Variants in SMURF1 observed in about 807,000 individuals in gnomAD.
SMURF1 encodes the protein SMAD specific E3 ubiquitin protein ligase 1.
Under a neutral mutation model 98.0 loss-of-function variants are expected in SMURF1, and 44 were observed. That is an observed-to-expected ratio of 0.45 (90% confidence interval 0.35 to 0.58). The LOEUF is 0.58. Ranked by LOEUF, SMURF1 falls within the 20% of genes least tolerant of loss-of-function variation. The pLI is 0.00. For missense variants in SMURF1, 687 were observed against 938.4 expected (o/e 0.73, Z 3.50); for synonymous variants, 396 against 374.9 (o/e 1.06, Z -0.65).
At chr7:99,143,104 A>AC (rs1202510783) in intron 1 of SMURF1, among the ~76,000 whole-genome samples, 2 of 135,318 alleles carry the variant, frequency 1.5e-5, no homozygotes, top group East Asian at 5.0e-4. Context: ...AGGGAGCTGG[A>AC]CGCAGGGAGA....
intron 1 of SMURF1, among the ~76,000 whole-genome samples, chr7:99,115,845 C>T (rs1420623035): frequency 6.6e-6 from 1 of 152,070 alleles, no homozygotes; most frequent in Non-Finnish European, 1.5e-5. Context: ...GACCAGATGG[C>T]TTCACTGGTG....
intron 14 of SMURF1, 84 bp from the exon 15 acceptor site, chr7:99,037,271 T>C: frequency 1.1e-5 from 17 of 1,545,358 alleles, no homozygotes; most frequent in Non-Finnish European, 1.5e-5. Context: ...AGGGTCTCAC[T>C]CTGTCACCCA....
intron 13 of SMURF1, 83 bp downstream of exon 13, chr7:99,040,293 ACG>A (rs3033104): frequency 0.12 from 142,413 of 1,219,584 alleles, 18,448 homozygotes; most frequent in African/African-American, 0.65. Flanking sequence ...ATACACACAC[ACG>A]CGCGCGCGCG....
At chr7:99,086,143 C>G (rs1027934601) in intron 1 of SMURF1, among the ~76,000 whole-genome samples, 2 of 151,816 alleles carry the variant, frequency 1.3e-5, no homozygotes, top group African/African-American at 4.8e-5. Flanking sequence ...GTTAGCAGTT[C>G]GAGACCAGCC....
At chr7:99,143,692 G>A in intron 1 of SMURF1, 34 bp downstream of exon 1, 3 of 1,532,368 alleles carry the variant, frequency 2.0e-6, no homozygotes, top group Non-Finnish European at 1.8e-6. Context: ...GCGAGGGGGC[G>A]CCGGGGCGCG....
At chr7:99,061,895 T>C in intron 1 of SMURF1, 58 bp from the exon 2 acceptor site, 1 of 1,303,540 alleles carries the variant, frequency 7.7e-7, no homozygotes, top group South Asian at 1.4e-5. Context: ...CCATAATAGC[T>C]AATCTATATT....
intron 1 of SMURF1, among the ~76,000 whole-genome samples, chr7:99,066,784 G>GAAA (rs111395590): frequency 1.1e-5 from 1 of 92,568 alleles, no homozygotes; most frequent in Non-Finnish European, 2.3e-5. Context: ...GTCTCAAAAA[G>GAAA]AAAAAAAAAA....
At chr7:99,087,870 G>A (rs1458484329) in intron 1 of SMURF1, among the ~76,000 whole-genome samples, 2 of 151,748 alleles carry the variant, frequency 1.3e-5, no homozygotes, top group African/African-American at 4.8e-5. Flanking sequence ...ATTATTTGTT[G>A]GATAAATGAA....
chr7:99,127,766 A>C (rs1439602179), intron 1 of SMURF1, among the ~76,000 whole-genome samples: 1 of 152,204 alleles, frequency 6.6e-6, no homozygotes, highest in East Asian at 1.9e-4. Flanking sequence ...AGTATGAGAA[A>C]CACCAAATCC....
intron 8 of SMURF1, 111 bp from the exon 9 acceptor site, chr7:99,049,820 G>C (rs575206860): frequency 3.7e-6 from 4 of 1,074,784 alleles, no homozygotes; most frequent in African/African-American, 1.6e-5. Context: ...CTGTGTCCCA[G>C]CTCTGCTAAG....
At chr7:99,040,026 T>C (rs982269740) in intron 13 of SMURF1, among the ~76,000 whole-genome samples, 2 of 152,178 alleles carry the variant, frequency 1.3e-5, no homozygotes, top group African/African-American at 2.4e-5. Flanking sequence ...GATCGCGCCT[T>C]CTTCATTCAA....
intron 1 of SMURF1, among the ~76,000 whole-genome samples, chr7:99,082,291 A>G (rs1017107315): frequency 1.3e-5 from 2 of 152,208 alleles, no homozygotes; most frequent in Admixed American, 1.3e-4. Flanking sequence ...ATGAAATCCA[A>G]TTAATCTGTT....
intron 1 of SMURF1, among the ~76,000 whole-genome samples, chr7:99,097,651 A>G (rs1796985570): frequency 6.6e-6 from 1 of 152,210 alleles, no homozygotes; most frequent in Admixed American, 6.5e-5. Context: ...AACTTCTTTT[A>G]TTTATAAGTT....
At chr7:99,088,234 G>A (rs999628853) in intron 1 of SMURF1, among the ~76,000 whole-genome samples, 2 of 151,474 alleles carry the variant, frequency 1.3e-5, no homozygotes, top group Non-Finnish European at 2.9e-5. Context: ...CTGCAGCCTG[G>A]GCAACAGAGC....
intron 1 of SMURF1, among the ~76,000 whole-genome samples, chr7:99,134,932 G>A (rs1208657932): frequency 6.6e-6 from 1 of 152,040 alleles, no homozygotes; most frequent in Admixed American, 6.6e-5. Flanking sequence ...TTTTTGGGGG[G>A]TCAGGCAACT....
chr7:99,050,874 A>C, intron 8 of SMURF1: 1 of 1,261,222 alleles, frequency 7.9e-7, no homozygotes, highest in Non-Finnish European at 1.0e-6. Context: ...GAAAAAAAGA[A>C]ACTTAACTCT....
intron 5 of SMURF1, among the ~76,000 whole-genome samples, chr7:99,056,977 C>CA (rs11452990): frequency 0.64 from 63,295 of 98,952 alleles, 20,190 homozygotes; most frequent in African/African-American, 0.88. Context: ...CACTCCATCT[C>CA]AAAAAAAAAA....
intron 8 of SMURF1, 102 bp from the exon 9 acceptor site, chr7:99,049,811 T>C (rs899149191): frequency 1.7e-6 from 2 of 1,181,994 alleles, no homozygotes; most frequent in South Asian, 1.5e-5. Context: ...TCAAGGTGTC[T>C]GTGTCCCAGC....
chr7:99,040,291 ACACGCGCG>A (rs1315115436), intron 13 of SMURF1, 79 bp downstream of exon 13: 6 of 1,254,970 alleles, frequency 4.8e-6, no homozygotes, highest in South Asian at 2.3e-5. Context: ...AAATACACAC[ACACGCGCG>A]CGCGCGCGCA....
Sources: allele counts gnomAD v4.1 joint callset (sites outside exome capture counted in the v4.1 genomes callset), GRCh38; gene constraint gnomAD v4.1.1; transcripts MANE v1.5; gene names NCBI Gene and HGNC (gene_info 2026-07-23, HGNC 2026-07-21).